The following BRD1 variants were observed in gnomAD, a reference collection of about 807,000 sequenced individuals.
The protein encoded by BRD1 is bromodomain containing 1, also known as bromodomain-containing protein 1.
A neutral mutation model predicts 107.7 loss-of-function variants in BRD1; 24 were observed. The observed-to-expected ratio is 0.22, with a 90% CI of 0.16 to 0.31. The LOEUF is 0.31. BRD1 is among the 10% of genes least tolerant of loss of function. BRD1 has a pLI of 1.00. For missense variants in BRD1, 1,279 were observed against 1,638.6 expected, an observed-to-expected ratio of 0.78 and a Z score of 3.79; for synonymous variants, 744 against 686.1, an observed-to-expected ratio of 1.08 and a Z score of -1.32.
At chr22:49,799,315 G>A (rs1243511954) in intron 3 of BRD1, among the ~76,000 whole-genome samples, 196 bp from the exon 4 acceptor site, 1 of 140,466 alleles carries the variant, frequency 7.1e-6, no homozygotes, top group East Asian at 1.9e-4. Flanking sequence ...GAGACAGAGG[G>A]GATGGAGGGG....
chr22:49,775,238 G>C, intron 12 of BRD1: 1 of 169,736 alleles, frequency 5.9e-6, no homozygotes, highest in Non-Finnish European at 1.2e-5. Flanking sequence ...CAGGGGCCAT[G>C]TCCTGCAGTA....
At chr22:49,806,832 T>G (rs2059754141) in intron 2 of BRD1, 1 of 152,096 alleles carries the variant, frequency 6.6e-6, no homozygotes, top group African/African-American at 2.4e-5. Flanking sequence ...ACCCCGTCGC[T>G]ACTAAAAATA....
chr22:49,805,066 G>A (rs995015133), intron 2 of BRD1, among the ~76,000 whole-genome samples: 1 of 152,170 alleles, frequency 6.6e-6, no homozygotes, highest in Non-Finnish European at 1.5e-5. Flanking sequence ...TGGGAGAGGT[G>A]GGCACTGGTC....
At chr22:49,817,181 C>T (rs780191426) in intron 2 of BRD1, 1 of 152,768 alleles carries the variant, frequency 6.5e-6, no homozygotes, top group Non-Finnish European at 1.5e-5. Context: ...AGGAATGGCT[C>T]AGAAGGGGTG....
intron 6 of BRD1, among the ~76,000 whole-genome samples, chr22:49,796,160 G>A (rs1334802868): frequency 6.7e-6 from 1 of 150,014 alleles, no homozygotes; most frequent in East Asian, 1.9e-4. Context: ...GCGTAATCTC[G>A]GCTCACTGAG....
In BRD1 at chr22:49,823,651, C is replaced by T; in HGVS notation, c.667G>A (p.Gly223Arg). The T allele has an allele frequency of 1.9e-6, 3 of 1,612,802 alleles. No individual in the cohort carries two copies. The highest frequency in any genetic ancestry group is 1.7e-6 in the Non-Finnish European group (2 of 1,179,810). The change falls in exon 2 of 13, where the codon GGG becomes AGG. Residue 223 changes from glycine (G) to arginine (R), a missense_variant. Physicochemically the swap from Gly to Arg is moderately radical, Grantham distance 125 (BLOSUM62 -2). Transcript: ENST00000404760. ...EDAVCCICMD[G>R]ECQNSNVILF... ...ATCACGTTGCTGTTCTGACACTCCC[C>T]GTCCATGCAGATGCAGCACACGGCG...
chr22:49,804,013 C>T (rs1457697633), intron 3 of BRD1, among the ~76,000 whole-genome samples, 191 bp downstream of exon 3: 2 of 151,888 alleles, frequency 1.3e-5, no homozygotes, highest in African/African-American at 2.4e-5. Flanking sequence ...AGAATCACCC[C>T]CCGAGTCGCA....
In BRD1 at chr22:49,787,782, G is replaced by A. The variant is rs755149746; in HGVS notation, c.2465C>T (p.Pro822Leu). 1 of 1,550,786 alleles carries A rather than the reference G, an allele frequency of 6.4e-7. No homozygotes were observed. The highest frequency in any genetic ancestry group is 2.0e-5 in the Admixed American group (1 of 50,994). Residue 822 changes from proline (P) to leucine (L), a missense_variant, in exon 8 of 13, where the codon CCA (proline) becomes CTA (leucine). Coordinates refer to ENST00000404760, the MANE Select transcript of BRD1 (RefSeq NM_001304808.3). ...PPTLKPVELN[P>L]EQSKLFKRVT... ...TCTTTTGAAAAGTTTACTCTGCTCTGGGTTGAGTTCTACTGGTTTGAGGGT... is the reference window on the plus strand; with the variant it reads ...TCTTTTGAAAAGTTTACTCTGCTCTAGGTTGAGTTCTACTGGTTTGAGGGT...
chr22:49,816,938 C>G (rs2059964594), intron 2 of BRD1, among the ~76,000 whole-genome samples: 1 of 152,252 alleles, frequency 6.6e-6, no homozygotes, highest in Non-Finnish European at 1.5e-5. Flanking sequence ...CTTGTCTACA[C>G]AGGACTTTGC....
chr22:49,814,384 C>T (rs563941482), intron 2 of BRD1, among the ~76,000 whole-genome samples: 3 of 152,196 alleles, frequency 2.0e-5, no homozygotes, highest in Non-Finnish European at 4.4e-5. Context: ...TCAGGAAACA[C>T]ATGAGACCAG....
Position 49,818,116 on chromosome 22 carries a change from A to C in BRD1, c.1367+4835T>G, listed in dbSNP as rs573376598. On this transcript the variant is annotated intron_variant, in intron 2 of 12. Coordinates refer to ENST00000404760, the MANE Select transcript of BRD1 (RefSeq NM_001304808.3). ...ACCAGTTCATCCTTTTAAACTCAAA[A>C]TAAAATGACACCAGTGAAGGCGGGA... 1.1e-5 allele frequency: 8 copies of C among 700,460 alleles called. No individual in the cohort carries two copies. In the African/African-American group the frequency reaches 1.5e-4, roughly 13 times the overall value. 43.4% of individuals were successfully genotyped at this position (700,460 alleles called of 1,614,324 possible).
chr22:49,797,835 C>T lies in BRD1; in HGVS notation c.2068G>A (p.Ala690Thr). Residue 690 changes from alanine to threonine, a missense_variant, in exon 6 of 13, where the codon GCA (alanine) becomes ACA (threonine). Ala to Thr is a moderately conservative substitution (Grantham distance 58). Transcript: ENST00000404760. ...TCCCAGGAGAAAGGCCGCCGCGGTG[C>T]CGCAGCAGGCCGCTCAGGCAGGTGC... ...GMHLPERPAA[A>T]PRRPFSWEDV... The T allele has an allele frequency of 2.5e-6, 4 of 1,607,020 alleles. No homozygotes were observed. Among genetic ancestry groups the T allele is most frequent in the Non-Finnish European group, 2.5e-6 (3 of 1,177,070 alleles).
Position 49,808,027 on chromosome 22 carries a change from C to CAA in BRD1, c.1368-3669_1368-3668dup, listed in dbSNP as rs138860. ...GCTATCAAAAAATACTAACAAAAAA[C>CAA]AAAAAAAAAATGTTGGTAAGGATGT... On this transcript the variant is annotated intron_variant, in intron 2 of 12. Transcript: ENST00000404760. Among the ~76,000 whole-genome samples, 27 of 149,604 alleles carry CAA rather than the reference C, an allele frequency of 1.8e-4. 1 individual carries two copies. The highest frequency in any genetic ancestry group is 1.7e-3 in the South Asian group (8 of 4,720).
rs190380505 is a variant in BRD1 at position 49,790,382 on chromosome 22, C to T, written c.2360-2495G>A. 2.3e-4 allele frequency among the ~76,000 whole-genome samples: 35 copies of T among 152,338 alleles called. 2 individuals carry two copies. Among genetic ancestry groups the T allele is most frequent in the Admixed American group, 1.6e-3 (24 of 15,308 alleles). On this transcript the variant is annotated intron_variant, in intron 7 of 12. Coordinates refer to ENST00000404760, the MANE Select transcript of BRD1 (RefSeq NM_001304808.3). ...CTCACTGACTCTGGGCCATCTCAGG[C>T]TGTCACTGAACTGCACATGGGAAAA...
intron 7 of BRD1, among the ~76,000 whole-genome samples, chr22:49,788,588 G>A (rs1226890189): frequency 6.6e-5 from 10 of 152,312 alleles, no homozygotes; most frequent in Non-Finnish European, 7.4e-5. Flanking sequence ...TATAAAAACC[G>A]GAAGTGTGAA....
At chr22:49,797,413 C>T (rs1231513049) in intron 6 of BRD1, among the ~76,000 whole-genome samples, 1 of 152,264 alleles carries the variant, frequency 6.6e-6, no homozygotes, top group East Asian at 1.9e-4. Context: ...TCTGCATCGT[C>T]GAGACCGGCC....
intron 8 of BRD1, among the ~76,000 whole-genome samples, chr22:49,784,075 C>G (rs938980943): frequency 2.0e-5 from 3 of 152,190 alleles, no homozygotes; most frequent in Admixed American, 2.0e-4. Flanking sequence ...GACACCCCCG[C>G]GCTCTCACGC....
chr22:49,810,599 C>G (rs1250039831), intron 2 of BRD1, among the ~76,000 whole-genome samples: 1 of 152,044 alleles, frequency 6.6e-6, no homozygotes, highest in East Asian at 1.9e-4. Context: ...AGTCTAGTAC[C>G]CAGAACAGAG....
chr22:49,778,150 T>A (rs7291371), intron 8 of BRD1, among the ~76,000 whole-genome samples: 2,469 of 152,296 alleles, frequency 0.016, 61 homozygotes, highest in African/African-American at 0.057. Flanking sequence ...TGGGGGCAGA[T>A]GTGCAACCTG....
Sources: gnomAD v4.1 joint callset for allele counts (sites outside exome capture counted in the v4.1 genomes callset) on GRCh38, gnomAD v4.1.1 for gene constraint, MANE v1.5 for transcripts, NCBI Gene and HGNC (gene_info 2026-07-23, HGNC 2026-07-21) for gene names.